RNF220: variants seen among roughly 807,000 people sequenced by gnomAD.
RNF220 encodes the protein E3 ubiquitin-protein ligase RNF220.
In RNF220, 7 loss-of-function variants were observed where a neutral mutation model predicts 67.1. That is an observed-to-expected ratio of 0.10 (90% CI 0.06 to 0.20). The LOEUF is 0.20. RNF220 is among the 10% of genes least tolerant of loss of function. The pLI is 1.00. For synonymous variants in RNF220, 270 were observed against 283.2 expected (o/e 0.95, Z 0.47); for missense variants, 565 against 740.3 (o/e 0.76, Z 2.75).
At chr1:44,617,405 G>T (rs149064984) in intron 3 of RNF220, among the ~76,000 whole-genome samples, 157 of 152,278 alleles carry the variant, frequency 1.0e-3, no homozygotes, top group Middle Eastern at 6.8e-3. Context: ...GGACCGGCCC[G>T]CCGCCGCCCT....
intron 2 of RNF220, among the ~76,000 whole-genome samples, chr1:44,443,121 G>A (rs1651732265): frequency 6.6e-6 from 1 of 152,202 alleles, no homozygotes; most frequent in African/African-American, 2.4e-5. Context: ...TCACTCATGT[G>A]TATCTGGCTG....
chr1:44,593,655 G>A (rs755491961), intron 2 of RNF220, among the ~76,000 whole-genome samples: 15 of 152,132 alleles, frequency 9.9e-5, no homozygotes, highest in Non-Finnish European at 1.8e-4. Flanking sequence ...TCAAGAGTTC[G>A]AGGGTTCAGT....
intron 2 of RNF220, among the ~76,000 whole-genome samples, chr1:44,504,784 G>A (rs1015923422): frequency 1.3e-5 from 2 of 152,026 alleles, no homozygotes; most frequent in Non-Finnish European, 2.9e-5. Context: ...CCAAAAGCAC[G>A]TGACCATATC....
intron 3 of RNF220, among the ~76,000 whole-genome samples, chr1:44,615,041 T>C (rs1643485107): frequency 6.6e-6 from 1 of 152,178 alleles, no homozygotes; most frequent in Non-Finnish European, 1.5e-5. Context: ...AGCTGGGTCA[T>C]GTGAAGGCTG....
intron 2 of RNF220, among the ~76,000 whole-genome samples, chr1:44,582,920 C>T (rs754019016): frequency 2.0e-5 from 3 of 151,948 alleles, no homozygotes; most frequent in Non-Finnish European, 2.9e-5. Context: ...ACAGGAGAAT[C>T]GCTTGAACCC....
At chr1:44,608,667 G>T (rs1321499490) in intron 2 of RNF220, among the ~76,000 whole-genome samples, 1 of 152,182 alleles carries the variant, frequency 6.6e-6, no homozygotes, top group East Asian at 1.9e-4. Flanking sequence ...TATTACAAAT[G>T]GACAGATAAT....
chr1:44,497,733 CAACAAT>C (rs1657467400), intron 2 of RNF220, among the ~76,000 whole-genome samples: 1 of 152,188 alleles, frequency 6.6e-6, no homozygotes, highest in African/African-American at 2.4e-5. Flanking sequence ...CCCCCAAGTT[CAACAAT>C]TCCCCTCATC....
At chr1:44,548,661 A>C (rs1395281197) in intron 2 of RNF220, among the ~76,000 whole-genome samples, 1 of 151,954 alleles carries the variant, frequency 6.6e-6, no homozygotes, top group African/African-American at 2.4e-5. Context: ...TTAATTTTTA[A>C]AAATTATTTT....
At chr1:44,578,193 G>T (rs1664969182) in intron 2 of RNF220, among the ~76,000 whole-genome samples, 1 of 130,816 alleles carries the variant, frequency 7.6e-6, no homozygotes, top group African/African-American at 2.9e-5. Context: ...CTGTCTCCCA[G>T]CCTGGAGTGC....
chr1:44,634,872 G>C (rs561109796), intron 6 of RNF220, among the ~76,000 whole-genome samples: 1 of 152,158 alleles, frequency 6.6e-6, no homozygotes, highest in Non-Finnish European at 1.5e-5. Flanking sequence ...GATGGAACAG[G>C]TTCGGGTGGG....
chr1:44,616,938 C>G (rs959935140), intron 3 of RNF220, among the ~76,000 whole-genome samples: 1 of 152,114 alleles, frequency 6.6e-6, no homozygotes, highest in Non-Finnish European at 1.5e-5. Flanking sequence ...TTTTTCCACA[C>G]CCCCACCCAT....
chr1:44,411,628 C>T, intron 1 of RNF220, among the ~76,000 whole-genome samples: 1 of 152,198 alleles, frequency 6.6e-6, no homozygotes, highest in East Asian at 1.9e-4. Context: ...CACTTTAAAA[C>T]ATAGACCCCC....
chr1:44,437,678 G>A (rs956516295), intron 2 of RNF220, among the ~76,000 whole-genome samples: 1 of 152,268 alleles, frequency 6.6e-6, no homozygotes, highest in South Asian at 2.1e-4. Context: ...ATTCTCTAAG[G>A]GTTAAGAAAA....
chr1:44,637,783 G>A (rs1644370783), intron 8 of RNF220, among the ~76,000 whole-genome samples: 1 of 152,234 alleles, frequency 6.6e-6, no homozygotes, highest in Non-Finnish European at 1.5e-5. Flanking sequence ...GAATTCCTGA[G>A]GGGAGTTCAA....
At chr1:44,638,014 C>T (rs1043813928) in intron 8 of RNF220, among the ~76,000 whole-genome samples, 1 of 152,238 alleles carries the variant, frequency 6.6e-6, no homozygotes, top group African/African-American at 2.4e-5. Flanking sequence ...GAGCGGGGCG[C>T]AGTGGAGCGG....
chr1:44,431,500 C>CAAAAA (rs34244024), intron 2 of RNF220, among the ~76,000 whole-genome samples: 1 of 90,476 alleles, frequency 1.1e-5, no homozygotes. Context: ...GACTTCATCT[C>CAAAAA]AAAAAAAAAA....
intron 2 of RNF220, chr1:44,572,852 C>T (rs963378349): frequency 3.9e-5 from 7 of 178,552 alleles, no homozygotes; most frequent in Admixed American, 2.9e-4. Flanking sequence ...TAATTTTGCA[C>T]CATTACTCTA....
intron 2 of RNF220, among the ~76,000 whole-genome samples, chr1:44,513,202 C>T (rs1402948696): frequency 6.6e-6 from 1 of 152,120 alleles, no homozygotes; most frequent in Admixed American, 6.5e-5. Flanking sequence ...TAGATTATTC[C>T]AAGGCTATGA....
In RNF220 at chr1:44,649,289, C is replaced by T. The variant is rs940699747; in HGVS notation, c.1446-372C>T. 2 of 286,054 alleles carry T rather than the reference C, an allele frequency of 7.0e-6. No homozygotes were observed. Among genetic ancestry groups the T allele is most frequent in the African/African-American group, 4.5e-5 (2 of 44,548 alleles). The allele number at this position is 286,054 out of a possible 1,614,324, so 17.7% of individuals were successfully genotyped here. On this transcript the variant is annotated intron_variant, in intron 12 of 14. Coordinates refer to ENST00000361799, the MANE Select transcript of RNF220 (RefSeq NM_018150.4). This position sits in a 1 kb window ranked among gnomAD's most constrained non-coding sequence, Gnocchi z 5.9. The stretch of plus-strand genomic sequence containing the variant: ...AGGGGCCTGGAGGCAGAAAGGCTGT[C>T]TGGAAAAAGTTAGTGGTGGAATTGG...
Sources: allele counts gnomAD v4.1 joint callset (sites outside exome capture counted in the v4.1 genomes callset), GRCh38; gene constraint gnomAD v4.1.1; non-coding constraint Gnocchi (gnomAD v3.1); transcripts MANE v1.5; gene names NCBI Gene and HGNC (gene_info 2026-07-23, HGNC 2026-07-21).